The following CACNB4 variants were observed in gnomAD, a reference collection of about 807,000 sequenced individuals.
The protein encoded by CACNB4 is calcium voltage-gated channel auxiliary subunit beta 4, also known as voltage-dependent L-type calcium channel subunit beta-4.
CACNB4 carries 32 observed loss-of-function variants against 71.2 expected under a neutral mutation model. The observed-to-expected ratio is 0.45, with a 90% CI of 0.34 to 0.60. CACNB4 has a LOEUF of 0.60. CACNB4 is among the 20% of genes least tolerant of loss of function. The pLI is 0.01. For missense variants in CACNB4, 464 were observed against 647.9 expected (o/e 0.72, Z 3.08); for synonymous variants, 231 against 236.9 (o/e 0.97, Z 0.23).
intron 2 of CACNB4, chr2:151,973,467 T>A (rs2099873162): frequency 3.4e-6 from 2 of 585,522 alleles, no homozygotes; most frequent in East Asian, 5.7e-5. Context: ...TAATTTCTTT[T>A]TTGCTTGACA....
intron 6 of CACNB4, chr2:151,871,929 C>T (rs1391194140): frequency 1.2e-5 from 2 of 160,400 alleles, no homozygotes; most frequent in African/African-American, 4.8e-5. Flanking sequence ...CAGGGCTTGG[C>T]TGTCTGCTGT....
chr2:152,035,028 A>G (rs1203771102), intron 2 of CACNB4, among the ~76,000 whole-genome samples: 1 of 152,148 alleles, frequency 6.6e-6, no homozygotes, highest in African/African-American at 2.4e-5. Context: ...CCATTTCCAG[A>G]CCTAATCACA....
At chr2:152,004,572 C>T (rs1302168329) in intron 2 of CACNB4, among the ~76,000 whole-genome samples, 1 of 150,934 alleles carries the variant, frequency 6.6e-6, no homozygotes, top group Non-Finnish European at 1.5e-5. Flanking sequence ...CACACACATG[C>T]TAACAACCAA....
At chr2:152,033,587 G>A (rs1019439966) in intron 2 of CACNB4, among the ~76,000 whole-genome samples, 2 of 152,084 alleles carry the variant, frequency 1.3e-5, no homozygotes, top group African/African-American at 4.8e-5. Flanking sequence ...AAAGGAAACC[G>A]GCACCCAAAC....
At chr2:151,956,044 A>G (rs1276216737) in intron 2 of CACNB4, among the ~76,000 whole-genome samples, 1 of 152,260 alleles carries the variant, frequency 6.6e-6, no homozygotes, top group Non-Finnish European at 1.5e-5. Flanking sequence ...GAGACTGAGC[A>G]TTGCTTACTC....
At chr2:152,001,913 G>C (rs1467913845) in intron 2 of CACNB4, among the ~76,000 whole-genome samples, 1 of 152,166 alleles carries the variant, frequency 6.6e-6, no homozygotes, top group Non-Finnish European at 1.5e-5. Context: ...AAATAGCAGG[G>C]AGGTGCGGGA....
chr2:151,987,738 T>C (rs1422713483), intron 2 of CACNB4, among the ~76,000 whole-genome samples: 2 of 152,200 alleles, frequency 1.3e-5, no homozygotes, highest in Non-Finnish European at 2.9e-5. Context: ...TTTGGAGTCA[T>C]TACACATGCT....
intron 2 of CACNB4, among the ~76,000 whole-genome samples, chr2:152,017,408 C>A (rs1284772831): frequency 6.8e-6 from 1 of 146,414 alleles, no homozygotes; most frequent in Non-Finnish European, 1.5e-5. Context: ...CAGAAGGAAG[C>A]CTTAAAAAAA....
chr2:151,998,135 C>G (rs981252353), intron 2 of CACNB4, among the ~76,000 whole-genome samples: 2 of 151,900 alleles, frequency 1.3e-5, no homozygotes, highest in African/African-American at 2.4e-5. Context: ...CCAGCCTGGC[C>G]AACATGGTGA....
chr2:152,027,919 C>A (rs1327529973), intron 2 of CACNB4, among the ~76,000 whole-genome samples: 6 of 148,696 alleles, frequency 4.0e-5, no homozygotes, highest in African/African-American at 1.5e-4. Flanking sequence ...CATTTTCTAA[C>A]CTGCCTGAGA....
intron 2 of CACNB4, among the ~76,000 whole-genome samples, chr2:152,020,349 T>C (rs1228921440): frequency 2.0e-5 from 3 of 152,208 alleles, no homozygotes; most frequent in African/African-American, 7.2e-5. Flanking sequence ...GAGAACTGGA[T>C]AAGTGCCATT....
chr2:151,860,308 G>A (rs1038765560), intron 10 of CACNB4: 27 of 216,958 alleles, frequency 1.2e-4, no homozygotes, highest in African/African-American at 3.1e-4. Context: ...CAAGAACACC[G>A]TTATCTAGCT....
intron 2 of CACNB4, chr2:151,967,039 ATTTTTTTTT>A (rs5835390): frequency 9.5e-5 from 9 of 94,484 alleles, no homozygotes; most frequent in Non-Finnish European, 1.6e-4. Flanking sequence ...CTGTCTCCAC[ATTTTTTTTT>A]TTTTTTTTTT....
At chr2:151,870,007 A>G (rs991524240) in intron 8 of CACNB4, 5 of 546,004 alleles carry the variant, frequency 9.2e-6, no homozygotes, top group Admixed American at 3.5e-5. Flanking sequence ...GGTTTTGTTT[A>G]ATCTCCAAAG....
chr2:151,833,784 C>T lies in CACNB4; in HGVS notation c.*5335G>A, dbSNP rs1288429462. On this transcript the variant is annotated 3_prime_UTR_variant, in exon 14 of 14. Coordinates refer to ENST00000539935, the MANE Select transcript of CACNB4 (RefSeq NM_000726.5). ...TATAACAAATGTGCTTCTTTCTCCTCAATCTATTTTTATATTATTGGCAAA... is the reference window on the plus strand; with the variant it reads ...TATAACAAATGTGCTTCTTTCTCCTTAATCTATTTTTATATTATTGGCAAA... The T allele has an allele frequency of 2.0e-5, 3 of 151,986 alleles. No homozygotes were observed. Among genetic ancestry groups the T allele is most frequent in the African/African-American group, 4.8e-5 (2 of 41,398 alleles). The allele number at this position is 151,986 out of a possible 1,614,324, so 9.4% of individuals were successfully genotyped here.
At chr2:151,905,442 A>T (rs570181933) in intron 2 of CACNB4, among the ~76,000 whole-genome samples, 1 of 152,314 alleles carries the variant, frequency 6.6e-6, no homozygotes, top group Admixed American at 6.5e-5. Flanking sequence ...ACGATTCATA[A>T]ACTTAAGAAC....
At chr2:151,986,258 C>T (rs1294438007) in intron 2 of CACNB4, among the ~76,000 whole-genome samples, 3 of 152,182 alleles carry the variant, frequency 2.0e-5, no homozygotes, top group Admixed American at 1.3e-4. Context: ...AAAAAGTAAT[C>T]TAAACACTGA....
chr2:152,057,698 C>T (rs914481370), intron 2 of CACNB4, among the ~76,000 whole-genome samples: 1 of 152,156 alleles, frequency 6.6e-6, no homozygotes, highest in African/African-American at 2.4e-5. Context: ...CACACAGAGG[C>T]ATATGCACAC....
At chr2:152,078,161 C>T (rs187990661) in intron 2 of CACNB4, among the ~76,000 whole-genome samples, 1 of 152,202 alleles carries the variant, frequency 6.6e-6, no homozygotes, top group African/African-American at 2.4e-5. Context: ...AGTCCTTCTG[C>T]GAGGAACAAT....
Sources: allele counts gnomAD v4.1 joint callset (sites outside exome capture counted in the v4.1 genomes callset), GRCh38; gene constraint gnomAD v4.1.1; transcripts MANE v1.5; gene names NCBI Gene and HGNC (gene_info 2026-07-23, HGNC 2026-07-21).